The following RAB3IP variants were observed in gnomAD, a reference collection of about 807,000 sequenced individuals.
RAB3IP encodes rab-3A-interacting protein.
In RAB3IP, 36 loss-of-function variants were observed where a neutral mutation model predicts 59.1. That is an observed-to-expected ratio of 0.61 (90% CI 0.47 to 0.80). The LOEUF is 0.80. RAB3IP is among the 30% of genes least tolerant of loss of function. The pLI is 0.00. For synonymous variants in RAB3IP, 207 were observed against 191.2 expected (o/e 1.08, Z -0.68); for missense variants, 511 against 536.0 (o/e 0.95, Z 0.46).
intron 8 of RAB3IP, 129 bp downstream of exon 8, chr12:69,801,850 GC>G (rs1878439293): frequency 1.8e-6 from 1 of 553,950 alleles, no homozygotes; most frequent in Admixed American, 3.4e-5. Flanking sequence ...CGTCTGTGTA[GC>G]CTAGCCCAAA....
chr12:69,797,768 A>G (rs941875662), intron 6 of RAB3IP, among the ~76,000 whole-genome samples: 3 of 150,584 alleles, frequency 2.0e-5, no homozygotes, highest in Admixed American at 6.6e-5. Context: ...GTGAGAATAT[A>G]TGGTGTTTGG....
At chr12:69,796,660 A>G (rs749687773) in intron 6 of RAB3IP, 11 of 616,338 alleles carry the variant, frequency 1.8e-5, no homozygotes, top group South Asian at 7.9e-5. Flanking sequence ...GAGAAGTTCA[A>G]TACTTGGTTA....
chr12:69,768,397 G>T (rs1444444796), intron 3 of RAB3IP, among the ~76,000 whole-genome samples: 5 of 152,204 alleles, frequency 3.3e-5, no homozygotes, highest in Admixed American at 3.3e-4. Flanking sequence ...GGGTGAGGTG[G>T]TGCAGGCTGC....
intron 1 of RAB3IP, among the ~76,000 whole-genome samples, chr12:69,741,076 C>T (rs978723110): frequency 6.6e-6 from 1 of 152,194 alleles, no homozygotes; most frequent in Non-Finnish European, 1.5e-5. Flanking sequence ...TTTTATGTTT[C>T]AACCTAATAT....
intron 3 of RAB3IP, among the ~76,000 whole-genome samples, chr12:69,780,018 A>G (rs1188374541): frequency 1.3e-5 from 2 of 152,154 alleles, no homozygotes; most frequent in African/African-American, 2.4e-5. Context: ...GGCTGTTGTC[A>G]AGCCTGTGAC....
rs1457550458 is a variant in RAB3IP, at chr12:69,820,871, A to AAC, written c.*5426_*5427insCA. Reference sequence around the variant, plus strand: ...GAAACTCCGTCTGAAAAAAAAAAAAAAAAACCCAAACTCAATAGAAAATCA... The same window carrying AAC: ...GAAACTCCGTCTGAAAAAAAAAAAAAACAAAACCCAAACTCAATAGAAAATCA... On this transcript the variant is annotated 3_prime_UTR_variant, in exon 11 of 11. Transcript: ENST00000247833. 1.3e-4 allele frequency: 20 copies of AAC among 151,780 alleles called. 1 individual carries two copies. The highest frequency in any genetic ancestry group is 4.8e-4 in the African/African-American group (20 of 41,322). The allele number at this position is 151,780 out of a possible 1,614,324, so 9.4% of individuals were successfully genotyped here.
intron 3 of RAB3IP, among the ~76,000 whole-genome samples, chr12:69,760,043 G>C (rs1871040140): frequency 6.6e-6 from 1 of 152,252 alleles, no homozygotes; most frequent in South Asian, 2.1e-4. Context: ...GGGAGGTGGA[G>C]GTTGTAGCTA....
At chr12:69,760,815 G>A (rs1391959221) in intron 3 of RAB3IP, among the ~76,000 whole-genome samples, 1 of 151,930 alleles carries the variant, frequency 6.6e-6, no homozygotes, top group Non-Finnish European at 1.5e-5. Context: ...TTTTCTCTCT[G>A]GCTGCTTATG....
intron 3 of RAB3IP, among the ~76,000 whole-genome samples, chr12:69,765,519 G>A (rs180718193): frequency 2.0e-5 from 3 of 151,880 alleles, no homozygotes; most frequent in Admixed American, 1.3e-4. Context: ...ACTTTTTGAT[G>A]TGCTGTTGGA....
chr12:69,794,552 T>C, intron 5 of RAB3IP, 38 bp downstream of exon 5: 1 of 1,487,428 alleles, frequency 6.7e-7, no homozygotes, highest in South Asian at 1.2e-5. Flanking sequence ...AAAATAAATT[T>C]GTGATAACTG....
At chr12:69,788,993 A>G (rs1447122466) in intron 4 of RAB3IP, among the ~76,000 whole-genome samples, 2 of 152,106 alleles carry the variant, frequency 1.3e-5, no homozygotes, top group Non-Finnish European at 2.9e-5. Flanking sequence ...GTTTCTTGAG[A>G]CGAATAAAAC....
Position 69,800,108 on chromosome 12 carries a change from G to A in RAB3IP, c.889-101G>A, listed in dbSNP as rs1037753685. The A allele has an allele frequency of 3.4e-6, 3 of 879,188 alleles. No homozygotes were observed. The South Asian group carries it at 1.0e-4, about 30-fold the overall frequency. 54.5% of individuals were successfully genotyped at this position (879,188 alleles called of 1,614,324 possible). ...TTCAATTTATTATTTTAAATGAAGA[G>A]CTTTTTTTCAGTGATGTTTAAATTA... On this transcript the variant is annotated intron_variant, in intron 6 of 10. Transcript: ENST00000247833.
At chr12:69,756,086 C>T (rs1870169699) in intron 2 of RAB3IP, among the ~76,000 whole-genome samples, 1 of 152,164 alleles carries the variant, frequency 6.6e-6, no homozygotes, top group Non-Finnish European at 1.5e-5. Flanking sequence ...CTCATTGATA[C>T]CTTATAAAAA....
intron 4 of RAB3IP, among the ~76,000 whole-genome samples, chr12:69,787,258 A>G (rs146277502): frequency 1.1e-3 from 163 of 152,272 alleles, no homozygotes; most frequent in African/African-American, 3.8e-3. Flanking sequence ...CTCAAAAGTT[A>G]TGTTTTTCTT....
chr12:69,804,421 A>G (rs1878905826), intron 8 of RAB3IP, among the ~76,000 whole-genome samples: 1 of 152,202 alleles, frequency 6.6e-6, no homozygotes, highest in Non-Finnish European at 1.5e-5. Context: ...GTAGGTTGCA[A>G]AAATTTTCTC....
chr12:69,770,255 C>A (rs1047137571), intron 3 of RAB3IP, among the ~76,000 whole-genome samples: 1 of 152,126 alleles, frequency 6.6e-6, no homozygotes, highest in Admixed American at 6.5e-5. Context: ...CCCTTGGTAT[C>A]CACTGGGGGT....
chr12:69,769,006 C>A (rs1872677924), intron 3 of RAB3IP, among the ~76,000 whole-genome samples: 1 of 152,014 alleles, frequency 6.6e-6, no homozygotes, highest in East Asian at 1.9e-4. Flanking sequence ...CAGGTCTTTC[C>A]TGGGCTGTTC....
intron 8 of RAB3IP, among the ~76,000 whole-genome samples, chr12:69,804,641 A>C (rs1256717601): frequency 1.3e-5 from 2 of 152,218 alleles, no homozygotes; most frequent in Non-Finnish European, 1.5e-5. Context: ...CTAACATTTA[A>C]GTCTTTAATC....
At chr12:69,806,569 A>ATT (rs1879312383) in intron 8 of RAB3IP, among the ~76,000 whole-genome samples, 4 of 34,254 alleles carry the variant, frequency 1.2e-4, no homozygotes, top group South Asian at 1.7e-3. Context: ...TTGCTTCTCT[A>ATT]GTTTTTTTTT....
Sources: gnomAD v4.1 joint callset for allele counts (sites outside exome capture counted in the v4.1 genomes callset) on GRCh38, gnomAD v4.1.1 for gene constraint, MANE v1.5 for transcripts, NCBI Gene and HGNC (gene_info 2026-07-23, HGNC 2026-07-21) for gene names.